The following IGSF10 variants were observed in gnomAD, a reference collection of about 807,000 sequenced individuals.
IGSF10 encodes calvaria mechanical force protein 608.
Under a neutral mutation model 128.2 loss-of-function variants are expected in IGSF10, and 126 were observed. That is an observed-to-expected ratio of 0.98 (90% confidence interval 0.85 to 1.14). The LOEUF (loss-of-function observed/expected upper bound fraction) is 1.14. IGSF10 is among the 50% of genes most tolerant of loss of function. The pLI, the probability that IGSF10 is intolerant of heterozygous loss-of-function variation, is 0.00. For synonymous variants in IGSF10, 1,185 were observed against 1,146.2 expected (o/e 1.03, Z -0.68); for missense variants, 3,295 against 3,149.8 (o/e 1.05, Z -1.10).
chr3:151,554,132 TCACACA>T, the IGSF10 span, among the ~76,000 whole-genome samples: 96 of 147,166 alleles, frequency 6.5e-4, no homozygotes, highest in Admixed American at 8.2e-4. Flanking sequence ...CAGAGTGAGA[TCACACA>T]CACACACACA....
At chr3:151,606,628 T>G in the IGSF10 span, among the ~76,000 whole-genome samples, 1 of 152,166 alleles carries the variant, frequency 6.6e-6, no homozygotes, top group Admixed American at 6.5e-5. Flanking sequence ...TTTCAGAAAC[T>G]GACATTTATT....
the IGSF10 span, among the ~76,000 whole-genome samples, chr3:151,588,328 G>T: frequency 6.6e-6 from 1 of 151,828 alleles, no homozygotes; most frequent in Non-Finnish European, 1.5e-5. Context: ...ATGTAACTGG[G>T]GAATATTCAG....
rs1721255644 is a variant in IGSF10 at position 151,447,325 on chromosome 3, T to C, written c.2656A>G (p.Thr886Ala). Reference sequence around the variant, plus strand: ...AAGACAGTGGATGAATGTTGATTGGTTGTGCCTTGTATTTGGCTTGACATG... The same window carrying C: ...AAGACAGTGGATGAATGTTGATTGGCTGTGCCTTGTATTTGGCTTGACATG... ...PTMSSQIQGT[T>A]NQHSSTVFPL... is the part of the protein sequence containing the mutation. The change falls in exon 6 of 8, where the codon ACC becomes GCC. Residue 886 changes from threonine to alanine, a missense_variant. Thr to Ala is a moderately conservative substitution (Grantham distance 58). Coordinates refer to ENST00000282466, the MANE Select transcript of IGSF10 (RefSeq NM_178822.5). 6.2e-7 allele frequency: 1 copy of C among 1,614,134 alleles called. No homozygotes were observed. Among genetic ancestry groups the C allele is most frequent in the Non-Finnish European group, 8.5e-7 (1 of 1,180,056 alleles).
the IGSF10 span, among the ~76,000 whole-genome samples, chr3:151,619,354 GA>G: frequency 6.6e-6 from 1 of 151,432 alleles, no homozygotes; most frequent in African/African-American, 2.4e-5. Flanking sequence ...GATAAAAGCA[GA>G]ACATTTTTTA....
chr3:151,444,794 A>G lies in IGSF10; in HGVS notation c.5062+125T>C, dbSNP rs533491478. On this transcript the variant is annotated intron_variant, in intron 6 of 7. Transcript: ENST00000282466. ...ATGCCAGTGTCAAATGAGGATATTA[A>G]TAGTTTCTTTGTCTTAGAAAAATTT... The G allele has an allele frequency of 3.7e-6, 3 of 807,220 alleles. No homozygotes were observed. The African/African-American group carries it at 5.2e-5, about 14-fold the overall frequency. The allele number at this position is 807,220 out of a possible 1,614,324, so 50.0% of individuals were successfully genotyped here.
downstream of IGSF10, chr3:151,434,952 T>C (rs912765814): frequency 6.6e-6 from 1 of 152,114 alleles, no homozygotes; most frequent in African/African-American, 2.4e-5. Flanking sequence ...TCCACGATTC[T>C]ATTGAAAGTT....
At chr3:151,604,747 A>C in the IGSF10 span, among the ~76,000 whole-genome samples, 1 of 152,104 alleles carries the variant, frequency 6.6e-6, no homozygotes, top group Non-Finnish European at 1.5e-5. Context: ...AGACTTTAAA[A>C]ATATGGACAA....
At chr3:151,467,526 C>A in the IGSF10 span, among the ~76,000 whole-genome samples, 15 of 152,114 alleles carry the variant, frequency 9.9e-5, no homozygotes, top group Non-Finnish European at 2.1e-4. Context: ...CAGAATGGGA[C>A]AAACCTGAGG....
In IGSF10 at chr3:151,438,259, T is replaced by C. The variant is rs1241881004; in HGVS notation, c.6302A>G (p.Asn2101Ser). The change falls in exon 8 of 8, where the codon AAT becomes AGT. Residue 2101 changes from asparagine to serine, a missense_variant. By Grantham distance (46) the Asn-to-Ser change is conservative. Coordinates refer to ENST00000282466, the MANE Select transcript of IGSF10 (RefSeq NM_178822.5). The part of the protein sequence containing the change: ...HRTRRYTLFN[N>S]GTLYFNKVGV... ...AACTTTGTTGAAGTATAAAGTTCCA[T>C]TGTTGAAAAGGGTATATCTCCTAGT... The C allele has an allele frequency of 6.2e-7, 1 of 1,614,146 alleles. No individual in the cohort carries two copies. Among genetic ancestry groups the C allele is most frequent in the Non-Finnish European group, 8.5e-7 (1 of 1,179,974 alleles).
chr3:151,602,545 A>G, the IGSF10 span, among the ~76,000 whole-genome samples: 1 of 152,188 alleles, frequency 6.6e-6, no homozygotes, highest in African/African-American at 2.4e-5. Context: ...TCACATTTGT[A>G]AAAATGGTTT....
chr3:151,531,536 A>G, the IGSF10 span, among the ~76,000 whole-genome samples: 1 of 152,230 alleles, frequency 6.6e-6, no homozygotes, highest in Non-Finnish European at 1.5e-5. Flanking sequence ...AAACTCACTC[A>G]AAATGGCACA....
chr3:151,554,289 G>C, the IGSF10 span, among the ~76,000 whole-genome samples: 1 of 151,868 alleles, frequency 6.6e-6, no homozygotes, highest in Non-Finnish European at 1.5e-5. Context: ...TTGTTTGAAT[G>C]TATTTTAACT....
the IGSF10 span, among the ~76,000 whole-genome samples, chr3:151,590,280 A>G: frequency 6.6e-6 from 1 of 152,142 alleles, no homozygotes; most frequent in Non-Finnish European, 1.5e-5. Flanking sequence ...AGCTCAAGCA[A>G]TCTTCTGCCT....
chr3:151,463,256 T>C (rs1160623017), upstream of IGSF10, among the ~76,000 whole-genome samples: 3 of 152,354 alleles, frequency 2.0e-5, no homozygotes, highest in African/African-American at 7.2e-5. Flanking sequence ...CTGAGTCATA[T>C]TGGCACCAAT....
the IGSF10 span, among the ~76,000 whole-genome samples, chr3:151,528,638 G>A: frequency 2.0e-5 from 3 of 152,210 alleles, no homozygotes; most frequent in African/African-American, 4.8e-5. Context: ...GGGAAGCCAT[G>A]AGAGACTGTA....
At chr3:151,552,865 C>A in the IGSF10 span, among the ~76,000 whole-genome samples, 47 of 152,168 alleles carry the variant, frequency 3.1e-4, 1 homozygote, top group South Asian at 9.4e-3. Context: ...GATAGGCCTT[C>A]TTTTTACTGT....
At chr3:151,549,404 T>C in the IGSF10 span, among the ~76,000 whole-genome samples, 4,464 of 152,302 alleles carry the variant, frequency 0.029, 213 homozygotes, top group African/African-American at 0.1. Flanking sequence ...CTGCATGGAC[T>C]TGGCATATAA....
chr3:151,615,807 T>C, the IGSF10 span, among the ~76,000 whole-genome samples: 1 of 152,154 alleles, frequency 6.6e-6, no homozygotes, highest in East Asian at 1.9e-4. Flanking sequence ...TAGAAAAATA[T>C]TAACAGTAAT....
the IGSF10 span, among the ~76,000 whole-genome samples, chr3:151,522,376 C>G: frequency 6.6e-6 from 1 of 152,212 alleles, no homozygotes; most frequent in East Asian, 1.9e-4. Flanking sequence ...CAAAACCTGG[C>G]AGAGACACAA....
Sources: gnomAD v4.1 joint callset for allele counts (sites outside exome capture counted in the v4.1 genomes callset) on GRCh38, gnomAD v4.1.1 for gene constraint, MANE v1.5 for transcripts, NCBI Gene and HGNC (gene_info 2026-07-23, HGNC 2026-07-21) for gene names.